Variants in PDE1A observed in about 807,000 individuals in gnomAD.
PDE1A encodes dual specificity calcium/calmodulin-dependent 3',5'-cyclic nucleotide phosphodiesterase 1A.
Under a neutral mutation model 61.7 loss-of-function variants are expected in PDE1A, and 35 were observed. The ratio of observed to expected loss-of-function variants is 0.57; its 90% CI spans 0.43 to 0.75. The LOEUF is 0.75. PDE1A is among the 30% of genes least tolerant of loss of function. PDE1A has a pLI of 0.00. For synonymous variants in PDE1A, 232 were observed against 213.2 expected (o/e 1.09, Z -0.77); for missense variants, 597 against 630.6 (o/e 0.95, Z 0.57).
the PDE1A span, among the ~76,000 whole-genome samples, chr2:182,645,988 G>A: frequency 6.6e-6 from 1 of 152,154 alleles, no homozygotes; most frequent in Non-Finnish European, 1.5e-5. Context: ...GGAAGGAAAT[G>A]TCATATTTTG....
chr2:182,648,686 C>A, the PDE1A span, among the ~76,000 whole-genome samples: 5 of 143,360 alleles, frequency 3.5e-5, no homozygotes, highest in Non-Finnish European at 7.5e-5. Context: ...GGTGGCAGAG[C>A]AAGACCCTGT....
At chr2:182,628,846 C>T in the PDE1A span, among the ~76,000 whole-genome samples, 351 of 152,276 alleles carry the variant, frequency 2.3e-3, 3 homozygotes, top group African/African-American at 8.0e-3. Flanking sequence ...TTCTCGTAAT[C>T]ATCTCCAGTC....
At chr2:182,368,436 C>T (rs1035193115) in intron 1 of PDE1A, among the ~76,000 whole-genome samples, 2 of 147,946 alleles carry the variant, frequency 1.4e-5, no homozygotes, top group African/African-American at 4.9e-5. Flanking sequence ...TTATTCATTC[C>T]ATTTATCTGT....
At chr2:182,695,692 G>GAAAAAAA in the PDE1A span, among the ~76,000 whole-genome samples, 1 of 130,888 alleles carries the variant, frequency 7.6e-6, no homozygotes, top group African/African-American at 2.9e-5. Context: ...AAAAGAAAAA[G>GAAAAAAA]AAAAAGAAAA....
intron 1 of PDE1A, among the ~76,000 whole-genome samples, chr2:182,352,252 C>T (rs1053079175): frequency 2.0e-5 from 3 of 152,242 alleles, no homozygotes; most frequent in African/African-American, 7.2e-5. Flanking sequence ...AACTGTGATG[C>T]AAAGCCACTG....
At chr2:182,529,090 C>T in the PDE1A span, among the ~76,000 whole-genome samples, 423 of 152,206 alleles carry the variant, frequency 2.8e-3, 3 homozygotes, top group African/African-American at 9.6e-3. Flanking sequence ...CACCGTCCTC[C>T]AGACCCCAGA....
At chr2:182,567,746 A>G in the PDE1A span, among the ~76,000 whole-genome samples, 2 of 151,668 alleles carry the variant, frequency 1.3e-5, no homozygotes, top group East Asian at 1.9e-4. Context: ...TATCTTTTAT[A>G]TAACGTATAA....
the PDE1A span, among the ~76,000 whole-genome samples, chr2:182,554,892 AT>A: frequency 5.3e-5 from 8 of 152,308 alleles, no homozygotes; most frequent in East Asian, 1.5e-3. Context: ...TCACCATAAA[AT>A]TTGGAGGAAA....
chr2:182,397,845 A>G lies in PDE1A; in HGVS notation c.53+28733T>C, dbSNP rs553934467. 3.9e-5 allele frequency among the ~76,000 whole-genome samples: 6 copies of G among 152,224 alleles called. No individual in the cohort carries two copies. In the South Asian group the frequency reaches 1.2e-3, roughly 32 times the overall value. On this transcript the variant is annotated intron_variant, in intron 1 of 13. Coordinates refer to ENST00000351439, the Ensembl canonical transcript of PDE1A. ...TGATCACTATCTACCTGATTGAATG[A>G]ACGGATGCTAGAAAAATGTAAAAGG...
chr2:182,655,325 C>G, the PDE1A span, among the ~76,000 whole-genome samples: 3 of 152,062 alleles, frequency 2.0e-5, no homozygotes, highest in African/African-American at 7.2e-5. Flanking sequence ...AAGAGCCATC[C>G]TAGCAGGGCA....
At chr2:182,609,696 G>C in the PDE1A span, among the ~76,000 whole-genome samples, 2 of 152,202 alleles carry the variant, frequency 1.3e-5, no homozygotes, top group Non-Finnish European at 1.5e-5. Flanking sequence ...TCACCGCGAG[G>C]GTTCGCGGCT....
chr2:182,409,938 A>G (rs1312407721), intron 1 of PDE1A, among the ~76,000 whole-genome samples: 1 of 152,196 alleles, frequency 6.6e-6, no homozygotes, highest in Non-Finnish European at 1.5e-5. Context: ...AGAACTCAAA[A>G]TCAAATGTGT....
intron 1 of PDE1A, among the ~76,000 whole-genome samples, chr2:182,312,938 ATC>A (rs1696086462): frequency 1.3e-5 from 2 of 152,072 alleles, no homozygotes; most frequent in African/African-American, 4.8e-5. Flanking sequence ...AACATAGTAT[ATC>A]TCTCTATTTA....
At chr2:182,288,701 G>A (rs1394837013) in intron 1 of PDE1A, among the ~76,000 whole-genome samples, 2 of 151,992 alleles carry the variant, frequency 1.3e-5, no homozygotes, top group African/African-American at 2.4e-5. Context: ...CATGTCAGAC[G>A]TGTTATCCAA....
chr2:182,280,816 A>T (rs1693753754), intron 1 of PDE1A, among the ~76,000 whole-genome samples: 2 of 151,926 alleles, frequency 1.3e-5, no homozygotes, highest in South Asian at 4.1e-4. Context: ...CTTATTCAAA[A>T]GTAAGATTTT....
the PDE1A span, among the ~76,000 whole-genome samples, chr2:182,684,258 T>G: frequency 3.3e-5 from 5 of 151,984 alleles, no homozygotes; most frequent in Non-Finnish European, 7.4e-5. Context: ...CCAAAAATAC[T>G]AAGAAAATTT....
At chr2:182,686,630 T>A in the PDE1A span, among the ~76,000 whole-genome samples, 1 of 152,216 alleles carries the variant, frequency 6.6e-6, no homozygotes, top group Non-Finnish European at 1.5e-5. Flanking sequence ...GATTTCTGCA[T>A]TTCCAACTGA....
chr2:182,446,305 G>T (rs542642129), intron 2 of PDE1A, among the ~76,000 whole-genome samples: 1 of 152,152 alleles, frequency 6.6e-6, no homozygotes, highest in East Asian at 1.9e-4. Flanking sequence ...TACCAGTGAA[G>T]TCAAAGCTCT....
chr2:182,352,312 G>C (rs1310475688), intron 1 of PDE1A, among the ~76,000 whole-genome samples: 1 of 152,184 alleles, frequency 6.6e-6, no homozygotes, highest in Non-Finnish European at 1.5e-5. Context: ...TGTGGGACTT[G>C]AGGACAAGAA....
Sources: gnomAD v4.1 joint callset for allele counts (sites outside exome capture counted in the v4.1 genomes callset) on GRCh38, gnomAD v4.1.1 for gene constraint, MANE v1.5 for transcripts, NCBI Gene and HGNC (gene_info 2026-07-23, HGNC 2026-07-21) for gene names.